Variants in SUPT20H observed in about 807,000 individuals in gnomAD.
The protein encoded by SUPT20H is SPT20 homolog, SAGA complex component.
Under a neutral mutation model 122.8 loss-of-function variants are expected in SUPT20H, and 82 were observed. The observed-to-expected ratio is 0.67, with a 90% CI of 0.56 to 0.80. The LOEUF (loss-of-function observed/expected upper bound fraction) is 0.80, where lower values mean the gene tolerates loss of function less well. Among genes scored for constraint, SUPT20H ranks in the 30% least tolerant of loss-of-function variants. The probability of loss-of-function intolerance (pLI) is 0.00; values close to 1 mark genes in which losing one functional copy is unlikely to be tolerated. For synonymous variants in SUPT20H, 291 were observed against 313.0 expected (o/e 0.93, Z 0.74); for missense variants, 831 against 921.6 (o/e 0.90, Z 1.27).
chr13:37,049,993 G>A (rs922241321), intron 2 of SUPT20H, among the ~76,000 whole-genome samples: 3 of 152,104 alleles, frequency 2.0e-5, no homozygotes, highest in Admixed American at 1.3e-4. Context: ...AGTCCCAGGA[G>A]GGTAAGGGGG....
intron 2 of SUPT20H, among the ~76,000 whole-genome samples, chr13:37,049,140 C>T (rs543413417): frequency 6.6e-6 from 1 of 152,064 alleles, no homozygotes; most frequent in South Asian, 2.1e-4. Context: ...TTCAAGATGC[C>T]ATTGAAAGCA....
chr13:37,048,750 T>TAA (rs140526539), intron 2 of SUPT20H, 151 bp from the exon 3 acceptor site: 14,432 of 556,896 alleles, frequency 0.026, 386 homozygotes, highest in African/African-American at 0.1. Context: ...AATATATATA[T>TAA]AACAAAGAAA....
At chr13:37,026,671 TCAAA>T (rs2062339203) in intron 15 of SUPT20H, 115 bp downstream of exon 15, 1 of 638,758 alleles carries the variant, frequency 1.6e-6, no homozygotes, top group African/African-American at 1.9e-5. Flanking sequence ...AGAATATATT[TCAAA>T]CAAAGTATAC....
chr13:37,040,698 T>C lies in SUPT20H; in HGVS notation c.397-6A>G. ...CCGCAATGAAAAATATTAACCTGTT[T>C]GGGCAAAAATACGTAAACGTCATTT... is the stretch of plus-strand genomic sequence containing the variant. On this transcript the variant is annotated splice_polypyrimidine_tract_variant and splice_region_variant and intron_variant, in intron 7 of 25. Coordinates refer to ENST00000350612, the MANE Select transcript of SUPT20H (RefSeq NM_001014286.3). 6.2e-7 allele frequency: 1 copy of C among 1,607,186 alleles called. No homozygotes were observed. Among genetic ancestry groups the C allele is most frequent in the Non-Finnish European group, 8.5e-7 (1 of 1,176,542 alleles).
intron 21 of SUPT20H, among the ~76,000 whole-genome samples, chr13:37,020,203 T>C (rs778437202): frequency 6.6e-6 from 1 of 151,980 alleles, no homozygotes; most frequent in African/African-American, 2.4e-5. Flanking sequence ...CTCTATCATA[T>C]CATTTTTTTT....
intron 21 of SUPT20H, among the ~76,000 whole-genome samples, 168 bp from the exon 22 acceptor site, chr13:37,019,565 T>A (rs1288969249): frequency 6.6e-6 from 1 of 152,224 alleles, no homozygotes; most frequent in Non-Finnish European, 1.5e-5. Flanking sequence ...TCTTCAATAT[T>A]TATCAATACT....
At chr13:37,050,993 T>A (rs1422690378) in intron 2 of SUPT20H, among the ~76,000 whole-genome samples, 1 of 152,200 alleles carries the variant, frequency 6.6e-6, no homozygotes, top group East Asian at 1.9e-4. Context: ...ATGGCAAAAG[T>A]TAAATGCCTA....
At chr13:37,021,659 C>A in intron 20 of SUPT20H, 57 bp from the exon 21 acceptor site, 1 of 1,513,852 alleles carries the variant, frequency 6.6e-7, no homozygotes, top group Non-Finnish European at 8.9e-7. Flanking sequence ...AAATCAGCCA[C>A]ACAATTCCTC....
At position 37,029,802 on chromosome 13, in the gene SUPT20H, T is replaced by A; in HGVS notation, c.956A>T (p.Lys319Ile). The change falls in exon 13 of 26, where the codon AAA becomes ATA. Residue 319 changes from lysine to isoleucine, a missense_variant. By Grantham distance (102) the Lys-to-Ile change is moderately radical (BLOSUM62 -3). Coordinates refer to ENST00000350612, the MANE Select transcript of SUPT20H (RefSeq NM_001014286.3). ...EKYAKVEKSI[K>I]SDDSQPTVWP... Reference sequence around the variant, plus strand: ...GACTGTTGGCTGTGAGTCATCAGATTTGATAGACTTTTCCACTTTAGCATA... The same window carrying A: ...GACTGTTGGCTGTGAGTCATCAGATATGATAGACTTTTCCACTTTAGCATA... 1 of 1,602,944 alleles carries A rather than the reference T, an allele frequency of 6.2e-7. No homozygotes were observed. The highest frequency in any genetic ancestry group is 1.3e-5 in the African/African-American group (1 of 74,348).
chr13:37,010,056 A>G (rs990076889), intron 25 of SUPT20H, among the ~76,000 whole-genome samples: 3 of 152,204 alleles, frequency 2.0e-5, no homozygotes, highest in African/African-American at 7.2e-5. Context: ...GCCAGTCTAT[A>G]TTGTAGTAAC....
rs998440525 is a variant in SUPT20H, at chr13:37,022,391, TCTTA to T, written c.1592-315_1592-312del. The T allele has an allele frequency of 1.5e-6, 2 of 1,331,548 alleles. No individual in the cohort carries two copies. Among genetic ancestry groups the T allele is most frequent in the Non-Finnish European group, 1.9e-6 (2 of 1,042,148 alleles). The allele number at this position is 1,331,548 out of a possible 1,614,324, so 82.5% of individuals were successfully genotyped here. On this transcript the variant is annotated intron_variant, in intron 19 of 25. Coordinates refer to ENST00000350612, the MANE Select transcript of SUPT20H (RefSeq NM_001014286.3). This position sits in a 1 kb window ranked among gnomAD's most constrained non-coding sequence, Gnocchi z 4.5. ...TCCTTTTAAAATAAGGTTAATGGAA[TCTTA>T]CTTAGCACTGACAATTTGTTCTAGT...
At chr13:37,059,421 T>A (rs2070128451) in intron 1 of SUPT20H, 138 bp downstream of exon 1, 1 of 152,020 alleles carries the variant, frequency 6.6e-6, no homozygotes, top group African/African-American at 2.4e-5. Flanking sequence ...CGCCCCGGCC[T>A]GCCGGGTCTC....
chr13:37,033,126 C>T (rs546085438), intron 10 of SUPT20H, among the ~76,000 whole-genome samples: 20 of 150,776 alleles, frequency 1.3e-4, no homozygotes, highest in African/African-American at 4.6e-4. Flanking sequence ...CAATCTAAAG[C>T]ATAGAGCATT....
intron 22 of SUPT20H, among the ~76,000 whole-genome samples, chr13:37,017,808 T>C (rs1012031119): frequency 2.6e-5 from 4 of 152,208 alleles, no homozygotes; most frequent in Non-Finnish European, 5.9e-5. Context: ...ATCTTTTGTA[T>C]AACACAGTGA....
Position 37,033,430 on chromosome 13 carries a change from C to G in SUPT20H, c.707+19G>C. Reference sequence around the variant, plus strand: ...AGCTACTTGTGTCTTTTGGTTCACCCTTCCACAAAGGCAATTACCGTTTCA... The same window carrying G: ...AGCTACTTGTGTCTTTTGGTTCACCGTTCCACAAAGGCAATTACCGTTTCA... On this transcript the variant is annotated intron_variant, in intron 10 of 25. Coordinates refer to ENST00000350612, the MANE Select transcript of SUPT20H (RefSeq NM_001014286.3). 1 of 1,606,108 alleles carries G rather than the reference C, an allele frequency of 6.2e-7. No homozygotes were observed. Among genetic ancestry groups the G allele is most frequent in the Non-Finnish European group, 8.5e-7 (1 of 1,176,078 alleles).
chr13:37,016,531 ATG>A (rs1265653343), intron 23 of SUPT20H, among the ~76,000 whole-genome samples: 2 of 152,180 alleles, frequency 1.3e-5, no homozygotes, highest in Admixed American at 1.3e-4. Flanking sequence ...GCAATCTTTA[ATG>A]TGTTTAGAAT....
intron 9 of SUPT20H, among the ~76,000 whole-genome samples, chr13:37,035,233 T>C (rs2064116647): frequency 6.6e-6 from 1 of 152,156 alleles, no homozygotes; most frequent in Non-Finnish European, 1.5e-5. Context: ...GCAAAGTAAA[T>C]TAAAAACTTT....
chr13:37,026,913 A>G, intron 14 of SUPT20H, 97 bp from the exon 15 acceptor site: 2 of 748,098 alleles, frequency 2.7e-6, no homozygotes, highest in South Asian at 2.9e-5. Context: ...TGGAAGAATG[A>G]CTGGAAGATA....
intron 24 of SUPT20H, among the ~76,000 whole-genome samples, chr13:37,011,240 T>C (rs1442472679): frequency 6.7e-6 from 1 of 148,902 alleles, no homozygotes; most frequent in East Asian, 1.9e-4. Flanking sequence ...CAAAGTTAAG[T>C]ATGGCAGTCT....
Sources: allele counts gnomAD v4.1 joint callset (sites outside exome capture counted in the v4.1 genomes callset), GRCh38; gene constraint gnomAD v4.1.1; non-coding constraint Gnocchi (gnomAD v3.1); transcripts MANE v1.5; gene names NCBI Gene and HGNC (gene_info 2026-07-23, HGNC 2026-07-21).